Variants in PPP3CA observed in about 807,000 individuals in gnomAD.
PPP3CA encodes protein phosphatase 3 catalytic subunit alpha.
PPP3CA carries 14 observed loss-of-function variants against 66.5 expected under a neutral mutation model. The observed-to-expected ratio is 0.21, with a 90% CI of 0.14 to 0.33. The LOEUF (loss-of-function observed/expected upper bound fraction) is 0.33, where lower values mean the gene tolerates loss of function less well. Among genes scored for constraint, PPP3CA ranks in the 10% least tolerant of loss-of-function variants. The pLI is 1.00. For missense variants in PPP3CA, 317 were observed against 639.5 expected (o/e 0.50, Z 5.44); for synonymous variants, 232 against 226.2 (o/e 1.03, Z -0.23).
At chr4:101,202,766 T>A (rs1320711998) in intron 1 of PPP3CA, among the ~76,000 whole-genome samples, 2 of 152,332 alleles carry the variant, frequency 1.3e-5, no homozygotes, top group East Asian at 1.9e-4. Flanking sequence ...TTAAAATTTT[T>A]AAAAATGATT....
intron 1 of PPP3CA, among the ~76,000 whole-genome samples, chr4:101,311,601 G>A (rs944061673): frequency 6.6e-6 from 1 of 152,070 alleles, no homozygotes; most frequent in Non-Finnish European, 1.5e-5. Context: ...CCAACACGGC[G>A]AAAACCTGTC....
At chr4:101,258,668 A>C (rs1726918438) in intron 1 of PPP3CA, among the ~76,000 whole-genome samples, 2 of 151,810 alleles carry the variant, frequency 1.3e-5, no homozygotes, top group South Asian at 4.2e-4. Context: ...ACCACCACCC[A>C]TTTCCTGGTC....
intron 1 of PPP3CA, among the ~76,000 whole-genome samples, chr4:101,332,537 GA>G (rs1169946387): frequency 6.6e-6 from 1 of 152,178 alleles, no homozygotes; most frequent in Non-Finnish European, 1.5e-5. Context: ...CAACGGATTT[GA>G]CAGTGGATAG....
chr4:101,307,968 C>A (rs1041360141), intron 1 of PPP3CA, among the ~76,000 whole-genome samples: 1 of 152,080 alleles, frequency 6.6e-6, no homozygotes, highest in African/African-American at 2.4e-5. Context: ...AATCTGTTAC[C>A]CGAAATAATT....
intron 2 of PPP3CA, among the ~76,000 whole-genome samples, chr4:101,113,296 TC>T (rs1453850300): frequency 1.3e-5 from 2 of 152,114 alleles, no homozygotes; most frequent in Non-Finnish European, 2.9e-5. Context: ...AGCTCTTGGA[TC>T]TATCCTTACC....
chr4:101,288,546 G>A (rs926057461), intron 1 of PPP3CA, among the ~76,000 whole-genome samples: 16 of 151,342 alleles, frequency 1.1e-4, no homozygotes, highest in Non-Finnish European at 1.6e-4. Context: ...AGAAGGGAGC[G>A]GGAGGGGGAG....
At chr4:101,175,126 T>A (rs941189139) in intron 2 of PPP3CA, among the ~76,000 whole-genome samples, 1 of 151,874 alleles carries the variant, frequency 6.6e-6, no homozygotes, top group Admixed American at 6.6e-5. Context: ...AAACAAAGAC[T>A]AAAGAAAAGA....
intron 1 of PPP3CA, among the ~76,000 whole-genome samples, chr4:101,314,669 C>G (rs1728832908): frequency 6.6e-6 from 1 of 151,616 alleles, no homozygotes. Context: ...ACCTCTCACT[C>G]CATCTGATCT....
chr4:101,057,604 C>T (rs970726951), intron 10 of PPP3CA, among the ~76,000 whole-genome samples: 1 of 152,040 alleles, frequency 6.6e-6, no homozygotes, highest in Non-Finnish European at 1.5e-5. Context: ...AATGCTGGCC[C>T]GGCAGTTTCC....
intron 2 of PPP3CA, among the ~76,000 whole-genome samples, chr4:101,149,067 C>G (rs1223111539): frequency 1.3e-5 from 2 of 152,128 alleles, no homozygotes; most frequent in South Asian, 4.2e-4. Flanking sequence ...TTTCAGGAAT[C>G]AGTATTTTTG....
intron 2 of PPP3CA, among the ~76,000 whole-genome samples, chr4:101,152,464 A>T (rs1458854265): frequency 2.0e-5 from 3 of 152,234 alleles, no homozygotes; most frequent in Non-Finnish European, 4.4e-5. Flanking sequence ...AAATGATCAC[A>T]TTCTAATGTA....
chr4:101,269,749 C>T (rs796955632), intron 1 of PPP3CA, among the ~76,000 whole-genome samples: 5 of 152,180 alleles, frequency 3.3e-5, no homozygotes, highest in African/African-American at 9.6e-5. Context: ...GGCATAATTA[C>T]CCACCTCAAT....
chr4:101,324,798 T>G (rs951812039), intron 1 of PPP3CA, among the ~76,000 whole-genome samples: 5 of 152,226 alleles, frequency 3.3e-5, no homozygotes, highest in Non-Finnish European at 7.3e-5. Context: ...AAATTATTTT[T>G]TATGCCATCA....
chr4:101,029,060 A>T, intron 13 of PPP3CA, 106 bp downstream of exon 13: 1 of 1,043,504 alleles, frequency 9.6e-7, no homozygotes, highest in Non-Finnish European at 1.4e-6. Context: ...CACAACTGTT[A>T]GCTCAACACC....
At chr4:101,097,859 A>T (rs1413460708) in intron 5 of PPP3CA, among the ~76,000 whole-genome samples, 1 of 152,224 alleles carries the variant, frequency 6.6e-6, no homozygotes, top group Non-Finnish European at 1.5e-5. Context: ...CTTCTTAAAA[A>T]GTCCAGTTTT....
intron 2 of PPP3CA, among the ~76,000 whole-genome samples, chr4:101,191,803 C>T (rs1308561803): frequency 2.6e-5 from 4 of 152,190 alleles, no homozygotes; most frequent in Admixed American, 2.6e-4. Context: ...AGTCCACTCT[C>T]ACATCCAGGA....
At chr4:101,235,996 A>C (rs1423960046) in intron 1 of PPP3CA, among the ~76,000 whole-genome samples, 1 of 151,786 alleles carries the variant, frequency 6.6e-6, no homozygotes, top group African/African-American at 2.4e-5. Flanking sequence ...CCATTATATT[A>C]CCACAGCTGA....
Position 101,023,930 on chromosome 4 carries a change from T to C in PPP3CA, c.*1935A>G, listed in dbSNP as rs558333532. On this transcript the variant is annotated 3_prime_UTR_variant, in exon 14 of 14. Transcript: ENST00000394854. ...TATACAAATTTCTTGTTAATACAAATGCAACTCTTTTCTGTGATGAAAATG... is the reference window on the plus strand; with the variant it reads ...TATACAAATTTCTTGTTAATACAAACGCAACTCTTTTCTGTGATGAAAATG... The C allele has an allele frequency of 6.5e-6, 1 of 152,768 alleles. No individual in the cohort carries two copies. The highest frequency in any genetic ancestry group is 1.9e-4 in the East Asian group (1 of 5,196). The allele number at this position is 152,768 out of a possible 1,614,324, so 9.5% of individuals were successfully genotyped here. A position where few individuals can be genotyped will look rare whatever the true frequency, so the allele number is the denominator to read the frequency against.
At chr4:101,291,392 G>A (rs1042296066) in intron 1 of PPP3CA, among the ~76,000 whole-genome samples, 2 of 152,114 alleles carry the variant, frequency 1.3e-5, no homozygotes, top group Non-Finnish European at 2.9e-5. Context: ...TCTGAGGATT[G>A]CCTTCCCAAC....
Sources: allele counts gnomAD v4.1 joint callset (sites outside exome capture counted in the v4.1 genomes callset), GRCh38; gene constraint gnomAD v4.1.1; transcripts MANE v1.5; gene names NCBI Gene and HGNC (gene_info 2026-07-23, HGNC 2026-07-21).